The following DNAH7 variants were observed in gnomAD, a reference collection of about 807,000 sequenced individuals.
The protein encoded by DNAH7 is dynein axonemal heavy chain 7.
A neutral mutation model predicts 444.6 loss-of-function variants in DNAH7; 397 were observed. That is an observed-to-expected ratio of 0.89 (90% CI 0.82 to 0.97). The LOEUF (loss-of-function observed/expected upper bound fraction) is 0.97, where lower values mean the gene tolerates loss of function less well. Among genes scored for constraint, DNAH7 ranks in the 50% least tolerant of loss-of-function variants. DNAH7 has a pLI of 0.00. For synonymous variants in DNAH7, 1,636 were observed against 1,624.4 expected, an observed-to-expected ratio of 1.01 and a Z score of -0.17; for missense variants, 4,902 against 4,800.8, an observed-to-expected ratio of 1.02 and a Z score of -0.62.
rs190833820 is a variant in DNAH7 at position 196,067,030 on chromosome 2, T to C, written c.15+1667A>G. ...AAGTGGAAAATGGAAATCATGTCCA[T>C]TCTTTTAAGATCCCGCTGCCTCTTC... is the stretch of plus-strand genomic sequence containing the variant. On this transcript the variant is annotated intron_variant, in intron 1 of 64. Coordinates refer to ENST00000312428, the MANE Select transcript of DNAH7 (RefSeq NM_018897.3). Among the ~76,000 whole-genome samples the C allele has an allele frequency of 1.9e-3, 288 of 152,354 alleles. 1 individual carries two copies. Among genetic ancestry groups the C allele is most frequent in the African/African-American group, 6.5e-3 (271 of 41,584 alleles).
intron 8 of DNAH7, among the ~76,000 whole-genome samples, chr2:196,019,778 A>C (rs1695258418): frequency 6.6e-6 from 1 of 152,190 alleles, no homozygotes; most frequent in Non-Finnish European, 1.5e-5. Context: ...TAATATGTAA[A>C]CATCATTTAT....
At chr2:195,993,958 A>C (rs1693524349) in intron 12 of DNAH7, among the ~76,000 whole-genome samples, 1 of 152,246 alleles carries the variant, frequency 6.6e-6, no homozygotes, top group African/African-American at 2.4e-5. Context: ...AGAAAAAGTT[A>C]GAGTGAGAAA....
chr2:195,906,234 C>G (rs747250409), intron 27 of DNAH7, among the ~76,000 whole-genome samples: 1 of 151,886 alleles, frequency 6.6e-6, no homozygotes, highest in Non-Finnish European at 1.5e-5. Context: ...AAAATTAGCA[C>G]TATTTTAAAA....
Position 195,857,636 on chromosome 2 carries a change from C to T in DNAH7, c.8155G>A (p.Ala2719Thr). 3.1e-6 allele frequency: 5 copies of T among 1,613,894 alleles called. No homozygotes were observed. Among genetic ancestry groups the T allele is most frequent in the East Asian group, 2.2e-5 (1 of 44,868 alleles). Residue 2719 changes from alanine (A) to threonine (T), a missense_variant, in exon 44 of 65, where the codon GCT becomes ACT. Ala to Thr is a moderately conservative substitution (Grantham distance 58, BLOSUM62 0). Transcript: ENST00000312428. ...CCTGTTGGGTCAGGGATTTTGTCAGCTTTGATTCCTTTCAAGATGCATATA... is the reference window on the plus strand; with the variant it reads ...CCTGTTGGGTCAGGGATTTTGTCAGTTTTGATTCCTTTCAAGATGCATATA... Reference protein sequence around the residue: ...EAICILKGIKADKIPDPTGSG... With the variant: ...EAICILKGIKTDKIPDPTGSG...
At position 196,068,817 on chromosome 2, in the gene DNAH7, C is replaced by A; in HGVS notation, c.-106G>T. ...CCCGGGACTTGCAGCGGTCTCAGCT[C>A]CCTCCGCACCAGAGCCGTCTAGCGT... On this transcript the variant is annotated 5_prime_UTR_variant, in exon 1 of 65. Transcript: ENST00000312428. 7.0e-7 allele frequency: 1 copy of A among 1,423,018 alleles called. No individual in the cohort carries two copies. Among genetic ancestry groups the A allele is most frequent in the African/African-American group, 1.4e-5 (1 of 70,268 alleles). 88.1% of individuals were successfully genotyped at this position (1,423,018 alleles called of 1,614,324 possible). A position where few individuals can be genotyped will look rare whatever the true frequency, so the allele number is the denominator to read the frequency against.
At chr2:195,762,217 T>C (rs1225619085) in intron 61 of DNAH7, among the ~76,000 whole-genome samples, 1 of 152,110 alleles carries the variant, frequency 6.6e-6, no homozygotes, top group African/African-American at 2.4e-5. Flanking sequence ...GCAAGCCTCA[T>C]GGTAACCTCA....
At chr2:195,796,798 T>G in intron 55 of DNAH7, 61 bp from the exon 56 acceptor site, 1 of 1,527,312 alleles carries the variant, frequency 6.5e-7, no homozygotes. Context: ...ATCAATATTG[T>G]TTTTTTAAAA....
chr2:195,953,638 G>C (rs1236550302), intron 19 of DNAH7, among the ~76,000 whole-genome samples: 3 of 152,236 alleles, frequency 2.0e-5, no homozygotes, highest in African/African-American at 7.2e-5. Flanking sequence ...CCTGCCCAGA[G>C]AGGAGGAATC....
chr2:195,803,139 A>T (rs985593257), intron 54 of DNAH7, among the ~76,000 whole-genome samples: 6 of 152,190 alleles, frequency 3.9e-5, no homozygotes, highest in Admixed American at 2.0e-4. Context: ...TAGATTTTTT[A>T]AAAATTAACA....
intron 28 of DNAH7, among the ~76,000 whole-genome samples, chr2:195,898,462 C>A (rs548816679): frequency 1.1e-4 from 16 of 152,286 alleles, no homozygotes; most frequent in African/African-American, 3.9e-4. Flanking sequence ...GTTATTGAAT[C>A]TTTCTTAAAC....
intron 47 of DNAH7, among the ~76,000 whole-genome samples, chr2:195,840,472 T>C (rs1438049392): frequency 6.6e-6 from 1 of 151,650 alleles, no homozygotes; most frequent in Non-Finnish European, 1.5e-5. Flanking sequence ...ATCAACCCTG[T>C]TCATCATTAT....
intron 49 of DNAH7, among the ~76,000 whole-genome samples, chr2:195,821,708 C>G (rs557068312): frequency 6.6e-6 from 1 of 152,078 alleles, no homozygotes; most frequent in African/African-American, 2.4e-5. Context: ...AGACCTTTCC[C>G]GGAACAGAGG....
At chr2:195,898,241 G>A (rs1023771910) in intron 28 of DNAH7, among the ~76,000 whole-genome samples, 12 of 151,966 alleles carry the variant, frequency 7.9e-5, no homozygotes, top group Non-Finnish European at 1.5e-5. Context: ...ATACAGTTAG[G>A]CACAATTTTT....
chr2:195,894,830 T>C lies in DNAH7; in HGVS notation c.4896+146A>G, dbSNP rs1486969177. On this transcript the variant is annotated intron_variant, in intron 30 of 64. Transcript: ENST00000312428. ...GCTGAACTTCCTATTTGCTTCATTT[T>C]ACTTTTCTAAAACTTTATTTTCTCT... 3 of 799,612 alleles carry C rather than the reference T, an allele frequency of 3.8e-6. No individual in the cohort carries two copies. The East Asian group carries it at 9.2e-5, about 24-fold the overall frequency. The allele number at this position is 799,612 out of a possible 1,614,324, so 49.5% of individuals were successfully genotyped here. A position where few individuals can be genotyped will look rare whatever the true frequency, so the allele number is the denominator to read the frequency against.
At chr2:195,875,931 G>T in intron 37 of DNAH7, 88 bp from the exon 38 acceptor site, 1 of 1,280,216 alleles carries the variant, frequency 7.8e-7, no homozygotes, top group Non-Finnish European at 1.1e-6. Flanking sequence ...CAAATACTTA[G>T]CTATCTATTT....
At chr2:195,929,011 T>C (rs896570478) in intron 21 of DNAH7, among the ~76,000 whole-genome samples, 4 of 152,074 alleles carry the variant, frequency 2.6e-5, no homozygotes, top group Non-Finnish European at 5.9e-5. Context: ...AGCTGATAAA[T>C]GACTTCAGTA....
In DNAH7 at chr2:195,857,541, C is replaced by T. The variant is rs904588659; in HGVS notation, c.8250G>A (p.Gln2750=). 44 of 1,613,966 alleles carry T rather than the reference C, an allele frequency of 2.7e-5. No individual in the cohort carries two copies. The highest frequency in any genetic ancestry group is 3.6e-5 in the Non-Finnish European group (43 of 1,179,938). Residue 2750 remains glutamine (Q), a synonymous_variant, in exon 44 of 65, where the codon CAG becomes CAA. Coordinates refer to ENST00000312428, the MANE Select transcript of DNAH7 (RefSeq NM_018897.3). ...TGTCCTTGTCATATTCATGAAGTGACTGCAGAAACCTCATGTCACCAAGAA... is the reference window on the plus strand; with the variant it reads ...TGTCCTTGTCATATTCATGAAGTGATTGCAGAAACCTCATGTCACCAAGAA... ...KRLLGDMRFL[Q]SLHEYDKDNI... is the part of the protein sequence containing the mutation.
intron 47 of DNAH7, among the ~76,000 whole-genome samples, chr2:195,835,504 TA>T (rs527369412): frequency 1.4e-4 from 21 of 151,336 alleles, no homozygotes; most frequent in Admixed American, 6.6e-4. Flanking sequence ...TCCCCCAAAA[TA>T]AAAAAAACCA....
At chr2:195,773,265 T>C (rs374316608) in intron 60 of DNAH7, among the ~76,000 whole-genome samples, 1 of 152,162 alleles carries the variant, frequency 6.6e-6, no homozygotes, top group Non-Finnish European at 1.5e-5. Flanking sequence ...AAACAAATCA[T>C]AGAGAACGAA....
Sources: allele counts gnomAD v4.1 joint callset (sites outside exome capture counted in the v4.1 genomes callset), GRCh38; gene constraint gnomAD v4.1.1; transcripts MANE v1.5; gene names NCBI Gene and HGNC (gene_info 2026-07-23, HGNC 2026-07-21).